CPNE4: variants seen among roughly 807,000 people sequenced by gnomAD.
CPNE4 encodes the protein copine-4.
Under a neutral mutation model 67.9 loss-of-function variants are expected in CPNE4, and 25 were observed. The observed-to-expected ratio is 0.37, with a 90% CI of 0.27 to 0.51. CPNE4 has a LOEUF of 0.51. Ranked by LOEUF, CPNE4 falls within the 20% of genes least tolerant of loss-of-function variation. CPNE4 has a pLI of 0.93. For synonymous variants in CPNE4, 242 were observed against 244.9 expected, an observed-to-expected ratio of 0.99 and a Z score of 0.11; for missense variants, 464 against 690.8, an observed-to-expected ratio of 0.67 and a Z score of 3.68.
At chr3:131,960,500 T>C (rs553474110) in intron 1 of CPNE4, among the ~76,000 whole-genome samples, 34 of 152,330 alleles carry the variant, frequency 2.2e-4, no homozygotes, top group African/African-American at 8.2e-4. Context: ...CTCTCTGACC[T>C]GCTTCCCCAT....
intron 2 of CPNE4, among the ~76,000 whole-genome samples, chr3:131,901,327 C>G (rs1350273790): frequency 6.6e-6 from 1 of 152,038 alleles, no homozygotes; most frequent in Admixed American, 6.6e-5. Flanking sequence ...TCTAAATTAT[C>G]ATTACACTTA....
intron 2 of CPNE4, among the ~76,000 whole-genome samples, chr3:131,864,898 C>T (rs554000434): frequency 5.3e-5 from 8 of 151,958 alleles, no homozygotes; most frequent in Non-Finnish European, 8.8e-5. Flanking sequence ...CCTAATTTAT[C>T]GAGAGTTTTT....
chr3:131,732,332 T>C (rs191896695), intron 2 of CPNE4, among the ~76,000 whole-genome samples: 16 of 152,324 alleles, frequency 1.1e-4, no homozygotes, highest in African/African-American at 3.8e-4. Context: ...CACTCCCTAT[T>C]TGTGAAACAA....
At chr3:131,757,549 G>A (rs1030600244) in intron 2 of CPNE4, among the ~76,000 whole-genome samples, 1 of 152,174 alleles carries the variant, frequency 6.6e-6, no homozygotes, top group Admixed American at 6.5e-5. Flanking sequence ...CAGCATAAAA[G>A]TTCAGAAAAT....
At chr3:131,850,446 G>A (rs144809658) in intron 2 of CPNE4, among the ~76,000 whole-genome samples, 9 of 152,142 alleles carry the variant, frequency 5.9e-5, no homozygotes, top group Non-Finnish European at 1.2e-4. Context: ...TTTGATCGTA[G>A]GGCAGTTAAA....
intron 7 of CPNE4, among the ~76,000 whole-genome samples, chr3:131,610,065 A>C (rs1430673505): frequency 4.6e-5 from 7 of 152,170 alleles, no homozygotes; most frequent in African/African-American, 7.2e-5. Flanking sequence ...GTATTACACT[A>C]GTATAATACT....
intron 7 of CPNE4, among the ~76,000 whole-genome samples, chr3:131,658,983 TC>T (rs1181754239): frequency 6.6e-6 from 1 of 152,192 alleles, no homozygotes; most frequent in Non-Finnish European, 1.5e-5. Context: ...GGGATGTCAA[TC>T]CAGTTTGTGA....
chr3:131,847,626 C>T (rs1333824934), intron 2 of CPNE4, among the ~76,000 whole-genome samples: 1 of 152,170 alleles, frequency 6.6e-6, no homozygotes, highest in African/African-American at 2.4e-5. Context: ...ACCAATAAAA[C>T]GTAACACTCT....
Position 131,693,842 on chromosome 3 carries a change from A to G in CPNE4, c.507+2700T>C, listed in dbSNP as rs533271199. On this transcript the variant is annotated intron_variant, in intron 5 of 15. Coordinates refer to ENST00000429747, the MANE Select transcript of CPNE4 (RefSeq NM_130808.3). ...TCTGAGACCAAACCACCTTCTATTCATTAACTCTCTGCTCCAAAAGACTTA... is the reference window on the plus strand; with the variant it reads ...TCTGAGACCAAACCACCTTCTATTCGTTAACTCTCTGCTCCAAAAGACTTA... 3.3e-5 allele frequency among the ~76,000 whole-genome samples: 5 copies of G among 152,238 alleles called. 1 individual carries two copies. In the South Asian group the frequency reaches 1.0e-3, roughly 32 times the overall value.
chr3:131,691,587 TG>T (rs1362496180), intron 5 of CPNE4, among the ~76,000 whole-genome samples: 7 of 152,112 alleles, frequency 4.6e-5, no homozygotes, highest in Admixed American at 3.3e-4. Context: ...AACTACCTAT[TG>T]GGTCCTATGC....
chr3:131,655,658 AG>A (rs561220810), intron 7 of CPNE4, among the ~76,000 whole-genome samples: 2 of 152,108 alleles, frequency 1.3e-5, no homozygotes, highest in African/African-American at 4.8e-5. Flanking sequence ...GTCGGGGGGC[AG>A]GGGGGTGGAG....
chr3:131,682,777 G>A (rs2080789924), intron 6 of CPNE4, among the ~76,000 whole-genome samples: 1 of 152,030 alleles, frequency 6.6e-6, no homozygotes, highest in Non-Finnish European at 1.5e-5. Context: ...GGGAGCCAGA[G>A]CTTGGAGTCG....
chr3:132,039,051 C>G (rs1939091445), upstream of CPNE4, among the ~76,000 whole-genome samples: 1 of 152,140 alleles, frequency 6.6e-6, no homozygotes, highest in Non-Finnish European at 1.5e-5. Flanking sequence ...GTCAGTTCCA[C>G]AAGTGACATT....
chr3:131,864,081 C>T (rs1373096822), intron 2 of CPNE4, among the ~76,000 whole-genome samples: 1 of 151,866 alleles, frequency 6.6e-6, no homozygotes, highest in East Asian at 1.9e-4. Context: ...GTTTTGGTAC[C>T]AGTACCATGC....
intron 1 of CPNE4, among the ~76,000 whole-genome samples, chr3:131,965,591 C>T (rs2072319362): frequency 6.6e-6 from 1 of 152,164 alleles, no homozygotes; most frequent in African/African-American, 2.4e-5. Flanking sequence ...TCTGATAAAA[C>T]AGACTTTAAA....
At chr3:131,923,174 T>C (rs73206077) in intron 1 of CPNE4, among the ~76,000 whole-genome samples, 11,504 of 152,286 alleles carry the variant, frequency 0.076, 568 homozygotes, top group East Asian at 0.16. Context: ...TTTAGTTCAA[T>C]GAAAAAGCCT....
intron 1 of CPNE4, among the ~76,000 whole-genome samples, chr3:132,011,582 AT>A (rs1252539003): frequency 6.6e-6 from 1 of 152,220 alleles, no homozygotes; most frequent in African/African-American, 2.4e-5. Context: ...CAGAATCATC[AT>A]TTAAGAAAGC....
intron 15 of CPNE4, among the ~76,000 whole-genome samples, chr3:131,537,159 A>G (rs931492690): frequency 6.6e-5 from 10 of 151,722 alleles, no homozygotes; most frequent in Non-Finnish European, 2.9e-5. Context: ...TATTTTTTTA[A>G]GTACAGGAGT....
At chr3:131,858,258 C>T (rs1254922948) in intron 2 of CPNE4, among the ~76,000 whole-genome samples, 1 of 152,074 alleles carries the variant, frequency 6.6e-6, no homozygotes. Flanking sequence ...TTCATACTTT[C>T]CTGCCATTCA....
Sources: gnomAD v4.1 joint callset for allele counts (sites outside exome capture counted in the v4.1 genomes callset) on GRCh38, gnomAD v4.1.1 for gene constraint, MANE v1.5 for transcripts, NCBI Gene and HGNC (gene_info 2026-07-23, HGNC 2026-07-21) for gene names.